CEP128: variants seen among roughly 807,000 people sequenced by gnomAD.
CEP128 encodes centrosomal protein 128.
A neutral mutation model predicts 156.7 loss-of-function variants in CEP128; 132 were observed. The observed-to-expected ratio is 0.84, with a 90% CI of 0.73 to 0.97. CEP128 has a LOEUF of 0.97. Ranked by LOEUF, CEP128 falls within the 50% of genes least tolerant of loss-of-function variation. CEP128 has a pLI of 0.00. For synonymous variants in CEP128, 469 were observed against 448.9 expected (o/e 1.04, Z -0.57); for missense variants, 1,252 against 1,281.9 (o/e 0.98, Z 0.36).
At position 80,760,149 on chromosome 14, in the gene CEP128, GA is replaced by G. The variant is rs570982177; in HGVS notation, c.2553+1287del. Among the ~76,000 whole-genome samples the G allele has an allele frequency of 1.4e-3, 203 of 144,442 alleles. 1 individual carries two copies. The highest frequency in any genetic ancestry group is 3.3e-3 in the African/African-American group (130 of 39,668). 94.8% of individuals were successfully genotyped at this position (144,442 alleles called of 152,430 possible). A position where few individuals can be genotyped will look rare whatever the true frequency, so the allele number is the denominator to read the frequency against. ...TCTTAAATTTAAAAAGCAGCATTAG[GA>G]AAAAAAAAAAGTTAGAATTATCATA... is the stretch of plus-strand genomic sequence containing the variant. On this transcript the variant is annotated intron_variant, in intron 17 of 24. Coordinates refer to ENST00000555265, the MANE Select transcript of CEP128 (RefSeq NM_152446.5).
intron 20 of CEP128, among the ~76,000 whole-genome samples, chr14:80,561,896 C>CTATATATATATATATATATATA (rs145642470): frequency 0.013 from 1,788 of 141,808 alleles, 28 homozygotes; most frequent in African/African-American, 0.022. Flanking sequence ...ATACGAAGGT[C>CTATATATATATATATATATATA]TATATATATA....
chr14:80,693,971 G>A (rs1896802036), intron 19 of CEP128, among the ~76,000 whole-genome samples: 1 of 152,074 alleles, frequency 6.6e-6, no homozygotes, highest in Non-Finnish European at 1.5e-5. Flanking sequence ...AGGATGAGTG[G>A]GGATAGAGAA....
intron 8 of CEP128, among the ~76,000 whole-genome samples, chr14:80,871,025 G>A (rs1027060782): frequency 1.3e-5 from 2 of 151,546 alleles, no homozygotes; most frequent in African/African-American, 4.8e-5. Context: ...CTAAGGTGAT[G>A]AAAGATTTGT....
At chr14:80,724,590 T>C (rs1897941549) in intron 19 of CEP128, among the ~76,000 whole-genome samples, 3 of 152,216 alleles carry the variant, frequency 2.0e-5, no homozygotes, top group East Asian at 1.9e-4. Flanking sequence ...GAAAAGCTTT[T>C]AGATTATTCT....
At chr14:80,742,795 C>T (rs1043623818) in intron 19 of CEP128, 4 of 352,736 alleles carry the variant, frequency 1.1e-5, no homozygotes, top group South Asian at 3.6e-5. Context: ...TAAATGTAAA[C>T]ATCAGCATTT....
At chr14:80,728,967 A>G (rs774037953) in intron 19 of CEP128, among the ~76,000 whole-genome samples, 2 of 152,070 alleles carry the variant, frequency 1.3e-5, no homozygotes, top group Non-Finnish European at 2.9e-5. Context: ...CCTTTTGGTT[A>G]AACGCATCAC....
intron 19 of CEP128, among the ~76,000 whole-genome samples, chr14:80,631,508 T>G (rs1893958351): frequency 6.6e-6 from 1 of 152,074 alleles, no homozygotes; most frequent in African/African-American, 2.4e-5. Flanking sequence ...ATATGCTTAT[T>G]TCCATTCTTT....
chr14:80,623,873 A>G (rs955070285), intron 19 of CEP128, among the ~76,000 whole-genome samples: 1 of 152,188 alleles, frequency 6.6e-6, no homozygotes, highest in Non-Finnish European at 1.5e-5. Flanking sequence ...TAATGAGCAA[A>G]TCAGGGTAAT....
intron 17 of CEP128, among the ~76,000 whole-genome samples, chr14:80,759,371 A>C (rs1899838694): frequency 6.6e-6 from 1 of 152,220 alleles, no homozygotes; most frequent in African/African-American, 2.4e-5. Flanking sequence ...TTCAAGAATC[A>C]ATAAATGACT....
At chr14:80,486,026 A>T (rs766237570), downstream of CEP128, among the ~76,000 whole-genome samples, 2 of 152,228 alleles carry the variant, frequency 1.3e-5, no homozygotes, top group Non-Finnish European at 2.9e-5. Context: ...TTATTTATGC[A>T]AGAGCTGTAC....
At chr14:80,716,621 A>G (rs1454168747) in intron 19 of CEP128, among the ~76,000 whole-genome samples, 1 of 152,216 alleles carries the variant, frequency 6.6e-6, no homozygotes, top group Non-Finnish European at 1.5e-5. Context: ...GTATGACTAT[A>G]CCATATTTTA....
intron 20 of CEP128, among the ~76,000 whole-genome samples, chr14:80,560,897 A>G (rs1005729290): frequency 4.6e-5 from 7 of 152,030 alleles, no homozygotes; most frequent in African/African-American, 1.7e-4. Context: ...CCCTTTATAT[A>G]TATATATATC....
chr14:80,540,200 C>T (rs1022920281), intron 21 of CEP128, among the ~76,000 whole-genome samples: 7 of 148,682 alleles, frequency 4.7e-5, no homozygotes, highest in African/African-American at 1.2e-4. Context: ...TTCTTACACC[C>T]CCCCCCCTTT....
chr14:80,905,127 A>T (rs1883810171), intron 5 of CEP128, among the ~76,000 whole-genome samples, 196 bp from the exon 6 acceptor site: 1 of 152,158 alleles, frequency 6.6e-6, no homozygotes, highest in Non-Finnish European at 1.5e-5. Flanking sequence ...AAGCAGATAA[A>T]ATGAACAACA....
chr14:80,763,770 A>T (rs556284975), intron 16 of CEP128, among the ~76,000 whole-genome samples: 2 of 152,294 alleles, frequency 1.3e-5, no homozygotes, highest in Non-Finnish European at 2.9e-5. Flanking sequence ...AATGATTTAA[A>T]CATTTTTTGA....
At position 80,659,096 on chromosome 14, in the gene CEP128, T is replaced by C. The variant is rs552377102; in HGVS notation, c.2807-78673A>G. On this transcript the variant is annotated intron_variant, in intron 19 of 24. Transcript: ENST00000555265. ...GGTAAAATGTTTTCAAAGGACAAAG[T>C]TATTGAAAAATCTAACTTCCCATCA... 8.7e-4 allele frequency among the ~76,000 whole-genome samples: 132 copies of C among 152,276 alleles called. 2 individuals carry two copies. In the Middle Eastern group the frequency reaches 0.027, roughly 31 times the overall value.
intron 19 of CEP128, among the ~76,000 whole-genome samples, chr14:80,737,264 C>T (rs369468010): frequency 1.2e-4 from 18 of 152,014 alleles, no homozygotes; most frequent in Non-Finnish European, 2.1e-4. Context: ...ATTAGCCAGG[C>T]GTGGTGGCAC....
chr14:80,843,349 C>G (rs139879475), intron 9 of CEP128, among the ~76,000 whole-genome samples: 49 of 152,150 alleles, frequency 3.2e-4, no homozygotes, highest in African/African-American at 1.2e-3. Context: ...TAACCTATCC[C>G]AAGTTCTCCT....
intron 6 of CEP128, among the ~76,000 whole-genome samples, chr14:80,903,113 A>G (rs1379770506): frequency 6.6e-6 from 1 of 152,162 alleles, no homozygotes; most frequent in Non-Finnish European, 1.5e-5. Flanking sequence ...TCAAAACATT[A>G]TAAAGCAATT....
Sources: gnomAD v4.1 joint callset for allele counts (sites outside exome capture counted in the v4.1 genomes callset) on GRCh38, gnomAD v4.1.1 for gene constraint, MANE v1.5 for transcripts, NCBI Gene and HGNC (gene_info 2026-07-23, HGNC 2026-07-21) for gene names.